The following EBF1 variants were observed in gnomAD, a reference collection of about 807,000 sequenced individuals.
EBF1 encodes EBF transcription factor 1, also known as transcription factor COE1.
EBF1 carries 10 observed loss-of-function variants against 68.4 expected under a neutral mutation model. That is an observed-to-expected ratio of 0.15 (90% confidence interval 0.09 to 0.25). The LOEUF is 0.25. EBF1 is among the 10% of genes least tolerant of loss of function. The probability of loss-of-function intolerance (pLI) is 1.00; values close to 1 mark genes in which losing one functional copy is unlikely to be tolerated. For synonymous variants in EBF1, 298 were observed against 299.8 expected (o/e 0.99, Z 0.06); for missense variants, 509 against 794.4 (o/e 0.64, Z 4.32).
In EBF1 at chr5:158,697,048, CAG is replaced by C. The variant is rs1179787158; in HGVS notation, c.*2061_*2062del. ...TGCTGGTTTATATTTATGTGAAAGA[CAG>C]AGGAAATATACAAGCAGACTTAAGA... On this transcript the variant is annotated 3_prime_UTR_variant, in exon 16 of 16. Coordinates refer to ENST00000313708, the MANE Select transcript of EBF1 (RefSeq NM_024007.5). 2 of 188,840 alleles carry C rather than the reference CAG, an allele frequency of 1.1e-5. No individual in the cohort carries two copies. Among genetic ancestry groups the C allele is most frequent in the African/African-American group, 2.3e-5 (1 of 42,752 alleles). The allele number at this position is 188,840 out of a possible 1,614,324, so 11.7% of individuals were successfully genotyped here.
At chr5:159,069,903 G>A (rs999329084) in intron 6 of EBF1, among the ~76,000 whole-genome samples, 8 of 152,108 alleles carry the variant, frequency 5.3e-5, no homozygotes, top group Non-Finnish European at 8.8e-5. Flanking sequence ...ATCCAATGTG[G>A]TAATAAAACT....
chr5:159,013,009 C>A (rs1193047818), intron 6 of EBF1, among the ~76,000 whole-genome samples: 1 of 152,216 alleles, frequency 6.6e-6, no homozygotes, highest in East Asian at 1.9e-4. Flanking sequence ...GCACTTTGAT[C>A]TCAGACCTCT....
chr5:158,996,235 C>T (rs1015471830), intron 6 of EBF1, among the ~76,000 whole-genome samples: 3 of 152,156 alleles, frequency 2.0e-5, no homozygotes, highest in Non-Finnish European at 2.9e-5. Flanking sequence ...TCTGGAAGTA[C>T]TTAGTGTTGT....
At chr5:158,730,063 G>T (rs144621089) in intron 11 of EBF1, among the ~76,000 whole-genome samples, 241 of 152,324 alleles carry the variant, frequency 1.6e-3, no homozygotes, top group South Asian at 2.5e-3. Flanking sequence ...TGTTTTACAC[G>T]GATACATAAA....
At chr5:158,929,272 C>T (rs1301820370) in intron 6 of EBF1, among the ~76,000 whole-genome samples, 6 of 152,160 alleles carry the variant, frequency 3.9e-5, no homozygotes, top group Non-Finnish European at 7.3e-5. Flanking sequence ...AGAGTATGTA[C>T]AACTTCAGTG....
intron 8 of EBF1, among the ~76,000 whole-genome samples, chr5:158,818,295 C>T (rs930578825): frequency 1.3e-5 from 2 of 152,096 alleles, no homozygotes; most frequent in Admixed American, 6.6e-5. Flanking sequence ...AACAAACAAA[C>T]AAAAAAACCA....
At chr5:158,956,010 T>A (rs1816981896) in intron 6 of EBF1, among the ~76,000 whole-genome samples, 1 of 150,216 alleles carries the variant, frequency 6.7e-6, no homozygotes, top group Admixed American at 6.7e-5. Context: ...AGATACTGCA[T>A]TAATTAAATA....
chr5:158,803,405 T>G (rs1010191781), intron 8 of EBF1, among the ~76,000 whole-genome samples: 21 of 150,168 alleles, frequency 1.4e-4, no homozygotes, highest in African/African-American at 4.4e-4. Context: ...TCACAGCTCC[T>G]TAGCACTACA....
intron 6 of EBF1, among the ~76,000 whole-genome samples, chr5:158,996,786 A>C (rs551051011): frequency 1.3e-5 from 2 of 152,354 alleles, no homozygotes; most frequent in South Asian, 4.1e-4. Context: ...CTCACATCTT[A>C]CGTGTCTAAA....
chr5:158,845,718 AAG>A (rs1491539148), intron 6 of EBF1, among the ~76,000 whole-genome samples: 10 of 143,424 alleles, frequency 7.0e-5, no homozygotes, highest in Admixed American at 1.4e-4. Flanking sequence ...AAAAAAAAAA[AAG>A]AAGAAGAAAT....
chr5:158,706,246 A>T (rs1377642708), intron 15 of EBF1, among the ~76,000 whole-genome samples: 1 of 147,970 alleles, frequency 6.8e-6, no homozygotes. Context: ...ACTGTATGTT[A>T]GAGTGGGGAA....
chr5:158,843,072 T>C (rs1171453225), intron 6 of EBF1, among the ~76,000 whole-genome samples: 1 of 152,224 alleles, frequency 6.6e-6, no homozygotes, highest in African/African-American at 2.4e-5. Context: ...AGAATAATTA[T>C]TAGTATCATG....
At chr5:158,993,014 C>T (rs531597463) in intron 6 of EBF1, among the ~76,000 whole-genome samples, 2 of 149,436 alleles carry the variant, frequency 1.3e-5, no homozygotes, top group South Asian at 2.1e-4. Flanking sequence ...CTGCAACCTC[C>T]GCCTCCTGGG....
At position 158,736,022 on chromosome 5, in the gene EBF1, A is replaced by G. The variant is rs554679600; in HGVS notation, c.1037-4865T>C. Among the ~76,000 whole-genome samples, 159 of 152,340 alleles carry G rather than the reference A, an allele frequency of 1.0e-3. 2 individuals carry two copies. The South Asian group carries it at 0.031, about 30-fold the overall frequency. ...ACTAATCACAAGCTTCTAAAATTCA[A>G]TTGAAAACTCATAATAATGAGTGAA... is the stretch of plus-strand genomic sequence containing the variant. On this transcript the variant is annotated intron_variant, in intron 10 of 15. Coordinates refer to ENST00000313708, the MANE Select transcript of EBF1 (RefSeq NM_024007.5).
intron 6 of EBF1, among the ~76,000 whole-genome samples, chr5:158,919,785 C>T (rs1282926852): frequency 1.3e-5 from 2 of 152,132 alleles, no homozygotes; most frequent in Admixed American, 1.3e-4. Flanking sequence ...TCATTTAATC[C>T]TCTCAAAAAA....
chr5:158,825,638 A>T (rs936797141), intron 7 of EBF1, among the ~76,000 whole-genome samples: 33 of 152,190 alleles, frequency 2.2e-4, no homozygotes, highest in African/African-American at 8.0e-4. Context: ...AAGGAAAAAA[A>T]AACTACACCC....
intron 8 of EBF1, among the ~76,000 whole-genome samples, chr5:158,806,503 A>G (rs1781620171): frequency 6.6e-6 from 1 of 152,048 alleles, no homozygotes; most frequent in African/African-American, 2.4e-5. Context: ...TCTTGGCTCT[A>G]TGCTGTCGTG....
chr5:158,950,213 G>A (rs1477439069), intron 6 of EBF1, among the ~76,000 whole-genome samples: 2 of 152,164 alleles, frequency 1.3e-5, no homozygotes, highest in Non-Finnish European at 2.9e-5. Flanking sequence ...TCCCTTAGAT[G>A]TTATTCACTT....
At chr5:158,779,648 A>G (rs1776009184) in intron 9 of EBF1, among the ~76,000 whole-genome samples, 1 of 152,198 alleles carries the variant, frequency 6.6e-6, no homozygotes, top group Admixed American at 6.5e-5. Flanking sequence ...GCCAGTTAGA[A>G]AACACTTCAC....
Sources: gnomAD v4.1 joint callset for allele counts (sites outside exome capture counted in the v4.1 genomes callset) on GRCh38, gnomAD v4.1.1 for gene constraint, MANE v1.5 for transcripts, NCBI Gene and HGNC (gene_info 2026-07-23, HGNC 2026-07-21) for gene names.